Variants in SLC39A11 observed in about 807,000 individuals in gnomAD.
SLC39A11 encodes the protein solute carrier family 39 member 11.
A neutral mutation model predicts 36.1 loss-of-function variants in SLC39A11; 33 were observed. The observed-to-expected ratio is 0.91, with a 90% CI of 0.69 to 1.22. The LOEUF (loss-of-function observed/expected upper bound fraction) is 1.22, where lower values mean the gene tolerates loss of function less well. Ranked by LOEUF, SLC39A11 falls within the 50% of genes most tolerant of loss-of-function variation. The probability of loss-of-function intolerance (pLI) is 0.00; values close to 1 mark genes in which losing one functional copy is unlikely to be tolerated. For missense variants in SLC39A11, 432 were observed against 430.3 expected (o/e 1.00, Z -0.03); for synonymous variants, 166 against 170.3 (o/e 0.97, Z 0.20).
At chr17:72,997,008 G>T (rs2089557437) in intron 4 of SLC39A11, among the ~76,000 whole-genome samples, 1 of 152,090 alleles carries the variant, frequency 6.6e-6, no homozygotes, top group Non-Finnish European at 1.5e-5. Flanking sequence ...ACGACCATCT[G>T]CAGTCTTGCA....
At chr17:73,035,860 T>C (rs1264915549) in intron 3 of SLC39A11, among the ~76,000 whole-genome samples, 14 of 41,152 alleles carry the variant, frequency 3.4e-4, no homozygotes, top group Admixed American at 3.3e-3. Flanking sequence ...CGACACTCCA[T>C]CTCAAAAAAA....
At chr17:72,733,434 C>A (rs922192370) in intron 7 of SLC39A11, among the ~76,000 whole-genome samples, 8 of 151,996 alleles carry the variant, frequency 5.3e-5, no homozygotes, top group Admixed American at 1.3e-4. Flanking sequence ...CACTAAAGAA[C>A]GGGTGCATGA....
intron 7 of SLC39A11, among the ~76,000 whole-genome samples, chr17:72,698,883 T>G (rs566261517): frequency 6.0e-4 from 92 of 152,166 alleles, no homozygotes; most frequent in Admixed American, 2.2e-3. Context: ...CAGGCTGGAG[T>G]GCAGTGGCGT....
intron 7 of SLC39A11, among the ~76,000 whole-genome samples, chr17:72,681,501 T>G (rs1436546986): frequency 6.6e-6 from 1 of 152,078 alleles, no homozygotes; most frequent in African/African-American, 2.4e-5. Context: ...AGGAGAGAAG[T>G]CACGAATTGC....
At chr17:72,956,213 A>T (rs2086241536) in intron 4 of SLC39A11, among the ~76,000 whole-genome samples, 1 of 152,330 alleles carries the variant, frequency 6.6e-6, no homozygotes, top group East Asian at 1.9e-4. Context: ...TTCTAGCTAT[A>T]TTTAAGCTAC....
intron 6 of SLC39A11, among the ~76,000 whole-genome samples, chr17:72,773,999 A>ACGTGCTAATG (rs2076048270): frequency 6.6e-6 from 1 of 152,224 alleles, no homozygotes; most frequent in African/African-American, 2.4e-5. Flanking sequence ...ACGAAGCCAG[A>ACGTGCTAATG]CGTGCTAATG....
chr17:72,893,404 G>A (rs1358048984), intron 5 of SLC39A11, among the ~76,000 whole-genome samples: 1 of 152,096 alleles, frequency 6.6e-6, no homozygotes, highest in African/African-American at 2.4e-5. Flanking sequence ...AGGTTGCAGT[G>A]ACCCAGGATC....
At chr17:72,852,966 G>A (rs777707736) in intron 5 of SLC39A11, among the ~76,000 whole-genome samples, 8 of 152,126 alleles carry the variant, frequency 5.3e-5, no homozygotes, top group Non-Finnish European at 5.9e-5. Context: ...TCCAGTGAGA[G>A]TTGATAGGGG....
chr17:73,050,323 C>CAAAAAAA (rs70938142), intron 3 of SLC39A11, among the ~76,000 whole-genome samples: 1 of 98,830 alleles, frequency 1.0e-5, no homozygotes, highest in Non-Finnish European at 1.9e-5. Context: ...CTGTTTGTGG[C>CAAAAAAA]AAAAAAAAAA....
intron 7 of SLC39A11, among the ~76,000 whole-genome samples, chr17:72,665,411 GAGAC>G (rs2070708117): frequency 7.7e-5 from 1 of 13,030 alleles, no homozygotes; most frequent in Non-Finnish European, 1.6e-4. Context: ...TTTTTTTTTT[GAGAC>G]AGGGTCTTGC....
intron 2 of SLC39A11, among the ~76,000 whole-genome samples, 184 bp from the exon 3 acceptor site, chr17:73,085,030 C>T (rs1380567692): frequency 6.6e-6 from 1 of 152,190 alleles, no homozygotes; most frequent in African/African-American, 2.4e-5. Context: ...GTTAACTTTC[C>T]ACCCACCCCA....
chr17:72,725,924 G>C (rs749389061), intron 7 of SLC39A11, among the ~76,000 whole-genome samples: 15 of 152,166 alleles, frequency 9.9e-5, no homozygotes, highest in Non-Finnish European at 2.1e-4. Context: ...GGGTGGGAGG[G>C]GCATTTTTCT....
Position 72,708,997 on chromosome 17 carries a change from G to A in SLC39A11, c.671+27653C>T, listed in dbSNP as rs139307222. ...GTTGCCCAGGCTGGAGTGCAGTGAC[G>A]CGATCTCGGCTCACTACAAGCTCTG... On this transcript the variant is annotated intron_variant, in intron 7 of 9. Coordinates refer to ENST00000255559, the MANE Select transcript of SLC39A11 (RefSeq NM_139177.4). 3.1e-3 allele frequency among the ~76,000 whole-genome samples: 461 copies of A among 151,030 alleles called. 2 individuals carry two copies. The highest frequency in any genetic ancestry group is 0.011 in the African/African-American group (436 of 41,024).
At position 72,742,409 on chromosome 17, in the gene SLC39A11, G is replaced by A. The variant is rs373370913; in HGVS notation, c.602-5690C>T. On this transcript the variant is annotated intron_variant, in intron 6 of 9. Coordinates refer to ENST00000255559, the MANE Select transcript of SLC39A11 (RefSeq NM_139177.4). ...GAGAACATCTGACCTGCTGCCACCT[G>A]GCCAGTGTCCTGCCTTTGAGGAGTC... Among the ~76,000 whole-genome samples the A allele has an allele frequency of 7.9e-5, 12 of 152,254 alleles. No homozygotes were observed. In the East Asian group the frequency reaches 2.3e-3, roughly 29 times the overall value.
chr17:72,676,514 ACTT>A (rs2071268694), intron 7 of SLC39A11, among the ~76,000 whole-genome samples: 1 of 152,138 alleles, frequency 6.6e-6, no homozygotes, highest in African/African-American at 2.4e-5. Flanking sequence ...CTACTGCTAG[ACTT>A]CTTATCGTCA....
At chr17:72,849,605 G>A in intron 6 of SLC39A11, 29 bp downstream of exon 6, 1 of 1,461,778 alleles carries the variant, frequency 6.8e-7, no homozygotes, top group Non-Finnish European at 9.1e-7. Flanking sequence ...TTCAGGCAGT[G>A]GCTGTCACGC....
In SLC39A11 at chr17:72,890,127, T is replaced by C. The variant is rs578240810; in HGVS notation, c.431-40323A>G. Among the ~76,000 whole-genome samples, 3 of 151,972 alleles carry C rather than the reference T, an allele frequency of 2.0e-5. No homozygotes were observed. The East Asian group carries it at 5.8e-4, about 29-fold the overall frequency. ...ATACAAAAAAAAAATTAGCTGGGCA[T>C]GGTGGCAGGTGCCTGTAATCCCAGC... On this transcript the variant is annotated intron_variant, in intron 5 of 9. Coordinates refer to ENST00000255559, the MANE Select transcript of SLC39A11 (RefSeq NM_139177.4).
At chr17:72,750,832 G>T (rs1282229821) in intron 6 of SLC39A11, among the ~76,000 whole-genome samples, 1 of 152,094 alleles carries the variant, frequency 6.6e-6, no homozygotes, top group Non-Finnish European at 1.5e-5. Flanking sequence ...TTCAGCAATT[G>T]TCAGGCTTCA....
intron 3 of SLC39A11, among the ~76,000 whole-genome samples, chr17:73,072,752 C>G (rs1336265747): frequency 3.3e-5 from 5 of 152,186 alleles, no homozygotes; most frequent in African/African-American, 1.2e-4. Context: ...CTGGGAGTGC[C>G]AGGCCAACAG....
Sources: gnomAD v4.1 joint callset for allele counts (sites outside exome capture counted in the v4.1 genomes callset) on GRCh38, gnomAD v4.1.1 for gene constraint, MANE v1.5 for transcripts, NCBI Gene and HGNC (gene_info 2026-07-23, HGNC 2026-07-21) for gene names.